Variants in FILIP1 observed in about 807,000 individuals in gnomAD.
FILIP1 encodes filamin-A-interacting protein 1.
FILIP1 carries 61 observed loss-of-function variants against 102.1 expected under a neutral mutation model. The observed-to-expected ratio is 0.60, with a 90% CI of 0.49 to 0.74. The LOEUF (loss-of-function observed/expected upper bound fraction) is 0.74, where lower values mean the gene tolerates loss of function less well. Ranked by LOEUF, FILIP1 falls within the 30% of genes least tolerant of loss-of-function variation. The pLI is 0.00. For missense variants in FILIP1, 1,314 were observed against 1,441.2 expected (o/e 0.91, Z 1.43); for synonymous variants, 491 against 526.9 (o/e 0.93, Z 0.93).
chr6:75,363,276 A>G (rs949514874), intron 2 of FILIP1, among the ~76,000 whole-genome samples: 3 of 152,290 alleles, frequency 2.0e-5, no homozygotes, highest in Admixed American at 2.0e-4. Flanking sequence ...TGACAGTCTA[A>G]AATCTTCTAG....
At chr6:75,482,573 T>C (rs1166767011) in intron 1 of FILIP1, among the ~76,000 whole-genome samples, 1 of 152,242 alleles carries the variant, frequency 6.6e-6, no homozygotes, top group Non-Finnish European at 1.5e-5. Context: ...AATGGAAATA[T>C]GTATGCATCA....
At chr6:75,418,598 C>A (rs778481250) in intron 1 of FILIP1, among the ~76,000 whole-genome samples, 1 of 152,150 alleles carries the variant, frequency 6.6e-6, no homozygotes, top group Non-Finnish European at 1.5e-5. Flanking sequence ...GCATCCAGAA[C>A]TCCTTAGGCT....
intron 4 of FILIP1, among the ~76,000 whole-genome samples, chr6:75,336,205 G>A (rs193054056): frequency 5.3e-5 from 8 of 152,222 alleles, no homozygotes; most frequent in Middle Eastern, 3.4e-3. Context: ...GGGAAGAGGC[G>A]TCTTGGCAAT....
intron 1 of FILIP1, among the ~76,000 whole-genome samples, chr6:75,466,772 G>A (rs770731305): frequency 2.0e-5 from 3 of 152,172 alleles, no homozygotes; most frequent in Non-Finnish European, 4.4e-5. Flanking sequence ...TAGTCACATG[G>A]AACTACTGAA....
intron 4 of FILIP1, chr6:75,319,194 CT>C: frequency 1.3e-6 from 1 of 754,076 alleles, no homozygotes; most frequent in Non-Finnish European, 2.4e-6. Flanking sequence ...CAGCAATATC[CT>C]TTTCTTGTTT....
chr6:75,410,289 A>T (rs940650605), intron 2 of FILIP1, among the ~76,000 whole-genome samples: 1 of 152,174 alleles, frequency 6.6e-6, no homozygotes, highest in African/African-American at 2.4e-5. Context: ...CTTATCTCAT[A>T]AGGCATAGTC....
At chr6:75,485,394 T>C (rs541183655) in intron 1 of FILIP1, among the ~76,000 whole-genome samples, 7 of 152,200 alleles carry the variant, frequency 4.6e-5, no homozygotes, top group Non-Finnish European at 5.9e-5. Context: ...TGTGCTAGTA[T>C]AGTTGTGACA....
At chr6:75,371,231 T>G (rs1288342572) in intron 2 of FILIP1, among the ~76,000 whole-genome samples, 1 of 152,216 alleles carries the variant, frequency 6.6e-6, no homozygotes, top group Admixed American at 6.5e-5. Flanking sequence ...ACTTTTTCTC[T>G]CTTTGGAGAA....
chr6:75,314,190 T>A lies in FILIP1; in HGVS notation c.1642A>T (p.Ile548Phe). The A allele has an allele frequency of 3.9e-6, 6 of 1,554,988 alleles. 1 individual carries two copies. Among genetic ancestry groups the A allele is most frequent in the Non-Finnish European group, 5.2e-6 (6 of 1,162,074 alleles). The change falls in exon 5 of 6, where the codon ATT becomes TTT. Residue 548 changes from isoleucine (I) to phenylalanine (F), a missense_variant. By Grantham distance (21) the Ile-to-Phe change is conservative. Transcript: ENST00000237172. ...GKVMDVTEKL[I>F]EESKKLLKLK... ...TTTAAAAGTTTCTTACTTTCTTCAATTAGTTTTTCAGTTACATCCATAACT... is the reference window on the plus strand; with the variant it reads ...TTTAAAAGTTTCTTACTTTCTTCAAATAGTTTTTCAGTTACATCCATAACT...
intron 1 of FILIP1, among the ~76,000 whole-genome samples, chr6:75,461,158 C>A (rs9443176): frequency 0.044 from 6,743 of 152,280 alleles, 202 homozygotes; most frequent in Non-Finnish European, 0.063. Flanking sequence ...AATAACAATA[C>A]AAGCAGCCCT....
chr6:75,390,869 AT>A (rs952645463), intron 2 of FILIP1, among the ~76,000 whole-genome samples: 1 of 151,796 alleles, frequency 6.6e-6, no homozygotes, highest in African/African-American at 2.4e-5. Flanking sequence ...ACTTTTGCCA[AT>A]TTTTTTGTGA....
intron 6 of FILIP1, among the ~76,000 whole-genome samples, chr6:75,298,147 C>T (rs1180328870): frequency 1.3e-5 from 2 of 152,162 alleles, no homozygotes. Flanking sequence ...AAATCTCCAT[C>T]ATAGTAATAA....
intron 5 of FILIP1, among the ~76,000 whole-genome samples, chr6:75,309,869 T>C (rs1773119875): frequency 6.6e-6 from 1 of 152,206 alleles, no homozygotes; most frequent in South Asian, 2.1e-4. Context: ...TGCTCCATCA[T>C]TAAGATAGAG....
chr6:75,423,965 G>T (rs1349890991), intron 1 of FILIP1, among the ~76,000 whole-genome samples: 1 of 152,148 alleles, frequency 6.6e-6, no homozygotes, highest in Non-Finnish European at 1.5e-5. Flanking sequence ...TTTGAGCTTA[G>T]TTTTAATGAT....
intron 1 of FILIP1, among the ~76,000 whole-genome samples, chr6:75,479,975 A>C (rs987466657): frequency 1.4e-5 from 2 of 145,858 alleles, no homozygotes; most frequent in African/African-American, 5.1e-5. Flanking sequence ...CATGATGGTT[A>C]TAAGGGGTTT....
At chr6:75,318,102 C>T (rs531699514) in intron 4 of FILIP1, among the ~76,000 whole-genome samples, 57 of 152,110 alleles carry the variant, frequency 3.7e-4, no homozygotes, top group African/African-American at 1.0e-3. Context: ...TCCTGTCACA[C>T]GTCACACTCA....
intron 2 of FILIP1, among the ~76,000 whole-genome samples, chr6:75,397,448 C>T (rs991552555): frequency 1.3e-5 from 2 of 151,114 alleles, no homozygotes; most frequent in African/African-American, 4.9e-5. Flanking sequence ...TCATCTTACA[C>T]ATTGTTTTCA....
intron 1 of FILIP1, chr6:75,455,223 G>C (rs1243500260): frequency 6.6e-6 from 1 of 152,058 alleles, no homozygotes. Flanking sequence ...TTTCAACCCA[G>C]ATCCCAGACA....
At position 75,312,681 on chromosome 6, in the gene FILIP1, G is replaced by A. The variant is rs369831904; in HGVS notation, c.3151C>T (p.Arg1051Trp). 26 of 1,614,036 alleles carry A rather than the reference G, an allele frequency of 1.6e-5. No homozygotes were observed. The Admixed American group carries it at 2.0e-4, about 12-fold the overall frequency. ...PEKQTVPTPVRKYNSNANIIT... is the reference protein window; with the variant it reads ...PEKQTVPTPVWKYNSNANIIT... ...ATATTGGCATTGGAGTTGTATTTCCGTACTGGAGTTGGAACAGTCTGTTTT... is the reference window on the plus strand; with the variant it reads ...ATATTGGCATTGGAGTTGTATTTCCATACTGGAGTTGGAACAGTCTGTTTT... The change falls in exon 5 of 6, where the codon CGG becomes TGG. Residue 1051 changes from arginine (R) to tryptophan (W), a missense_variant. Physicochemically the swap from Arg to Trp is moderately radical, Grantham distance 101 (BLOSUM62 -3). Coordinates refer to ENST00000237172, the MANE Select transcript of FILIP1 (RefSeq NM_015687.5).
Sources: gnomAD v4.1 joint callset for allele counts (sites outside exome capture counted in the v4.1 genomes callset) on GRCh38, gnomAD v4.1.1 for gene constraint, MANE v1.5 for transcripts, NCBI Gene and HGNC (gene_info 2026-07-23, HGNC 2026-07-21) for gene names.